The following LRRC63 variants were observed in gnomAD, a reference collection of about 807,000 sequenced individuals.
LRRC63 encodes leucine rich repeat containing 63.
LRRC63 carries 40 observed loss-of-function variants against 49.5 expected under a neutral mutation model. That is an observed-to-expected ratio of 0.81 (90% CI 0.63 to 1.05). The LOEUF (loss-of-function observed/expected upper bound fraction) is 1.05, where lower values mean the gene tolerates loss of function less well. Ranked by LOEUF, LRRC63 falls within the 50% of genes least tolerant of loss-of-function variation. LRRC63 has a pLI of 0.00. For missense variants in LRRC63, 636 were observed against 663.1 expected, an observed-to-expected ratio of 0.96 and a Z score of 0.45; for synonymous variants, 191 against 221.1, an observed-to-expected ratio of 0.86 and a Z score of 1.21.
At position 46,259,140 on chromosome 13, in the gene LRRC63, G is replaced by A. The variant is rs1349621189; in HGVS notation, c.1227-2769G>A. ...AAAGAACAGGGGCCTCCTATTAGTGGCCAGTGGATCAACACTCCCATGTTA... is the reference window on the plus strand; with the variant it reads ...AAAGAACAGGGGCCTCCTATTAGTGACCAGTGGATCAACACTCCCATGTTA... On this transcript the variant is annotated intron_variant, in intron 7 of 9. Transcript: ENST00000595396. Among the ~76,000 whole-genome samples, 5 of 152,180 alleles carry A rather than the reference G, an allele frequency of 3.3e-5. No individual in the cohort carries two copies. In the East Asian group the frequency reaches 9.7e-4, roughly 29 times the overall value.
In LRRC63 at chr13:46,261,962, CT is replaced by C; in HGVS notation, c.1284del (p.Phe428LeufsTer15). 1 of 1,175,554 alleles carries C rather than the reference CT, an allele frequency of 8.5e-7. No homozygotes were observed. The highest frequency in any genetic ancestry group is 1.1e-6 in the Non-Finnish European group (1 of 912,632). 72.8% of individuals were successfully genotyped at this position (1,175,554 alleles called of 1,614,324 possible). The stretch of plus-strand genomic sequence containing the variant: ...CTTGATGTTTCCTATAATGAACTTA[CT>C]TTTATTCCAAATGAAATTCAGAAAC... On this transcript the variant is annotated frameshift_variant, in exon 8 of 10. Transcript: ENST00000595396. LOFTEE classifies it high-confidence loss of function.
chr13:46,270,637 C>G (rs1566515252), intron 9 of LRRC63: 1 of 802,912 alleles, frequency 1.2e-6, no homozygotes, highest in Non-Finnish European at 2.2e-6. Flanking sequence ...TGACATGGAG[C>G]AAAAAGCAAA....
intron 2 of LRRC63, among the ~76,000 whole-genome samples, chr13:46,226,047 A>G (rs2046565270): frequency 6.6e-6 from 1 of 151,672 alleles, no homozygotes; most frequent in Admixed American, 6.6e-5. Flanking sequence ...GCAGTGGTAC[A>G]ATCATGGCTC....
At chr13:46,234,440 T>G in intron 5 of LRRC63, 91 bp downstream of exon 5, 1 of 1,234,604 alleles carries the variant, frequency 8.1e-7, no homozygotes, top group Non-Finnish European at 1.1e-6. Context: ...TCCATGGTAT[T>G]GAGGGGAATT....
At chr13:46,220,154 C>G (rs2046363224) in intron 2 of LRRC63, among the ~76,000 whole-genome samples, 1 of 152,216 alleles carries the variant, frequency 6.6e-6, no homozygotes, top group Non-Finnish European at 1.5e-5. Flanking sequence ...CTCCGCTGCT[C>G]TCTTCAGAGC....
chr13:46,234,463 T>A, intron 5 of LRRC63, 114 bp downstream of exon 5: 2 of 989,918 alleles, frequency 2.0e-6, no homozygotes, highest in African/African-American at 3.3e-5. Flanking sequence ...CCTATTACAA[T>A]AGAGATTTCT....
At chr13:46,238,567 A>G (rs1315984037) in intron 5 of LRRC63, among the ~76,000 whole-genome samples, 3 of 152,232 alleles carry the variant, frequency 2.0e-5, no homozygotes, top group Non-Finnish European at 2.9e-5. Flanking sequence ...CATGTCTTAC[A>G]TGACGATAAG....
intron 9 of LRRC63, among the ~76,000 whole-genome samples, chr13:46,267,995 G>A (rs1594099046): frequency 6.6e-6 from 1 of 152,092 alleles, no homozygotes; most frequent in African/African-American, 2.4e-5. Flanking sequence ...GATTTAGACT[G>A]TAAAGTTTCC....
intron 7 of LRRC63, among the ~76,000 whole-genome samples, chr13:46,251,199 TA>T (rs1318585711): frequency 7.9e-5 from 12 of 151,852 alleles, no homozygotes; most frequent in Non-Finnish European, 1.3e-4. Context: ...CTATAGTAAT[TA>T]AGGAAGTGCA....
chr13:46,257,515 A>G (rs114838618), intron 7 of LRRC63, among the ~76,000 whole-genome samples: 2,212 of 152,320 alleles, frequency 0.015, 55 homozygotes, highest in African/African-American at 0.051. Flanking sequence ...GAGACAGTCA[A>G]TATATGTAAT....
At chr13:46,242,255 G>A (rs2047083889) in intron 5 of LRRC63, among the ~76,000 whole-genome samples, 1 of 152,158 alleles carries the variant, frequency 6.6e-6, no homozygotes, top group Non-Finnish European at 1.5e-5. Flanking sequence ...ATAAGTGGGA[G>A]CTAAATGATG....
chr13:46,213,914 A>C (rs2046170336), intron 2 of LRRC63, among the ~76,000 whole-genome samples: 1 of 152,232 alleles, frequency 6.6e-6, no homozygotes. Context: ...TTTAGTGAGC[A>C]AAAACAGACC....
At chr13:46,243,728 C>T (rs751773976) in intron 5 of LRRC63, among the ~76,000 whole-genome samples, 3 of 152,284 alleles carry the variant, frequency 2.0e-5, no homozygotes, top group South Asian at 4.1e-4. Context: ...CCGCCTACCT[C>T]GGCCTCCCAA....
intron 2 of LRRC63, among the ~76,000 whole-genome samples, chr13:46,217,004 G>C (rs941205357): frequency 6.6e-6 from 1 of 152,230 alleles, no homozygotes; most frequent in African/African-American, 2.4e-5. Flanking sequence ...GCTGGATTCG[G>C]TTTGCCACTA....
At chr13:46,258,379 T>C (rs542528893) in intron 7 of LRRC63, among the ~76,000 whole-genome samples, 4 of 150,766 alleles carry the variant, frequency 2.7e-5, no homozygotes, top group South Asian at 4.2e-4. Context: ...TCTGCCCACC[T>C]CGGCCTCCCA....
chr13:46,222,661 C>T (rs1001653967), intron 2 of LRRC63, among the ~76,000 whole-genome samples: 17 of 151,868 alleles, frequency 1.1e-4, no homozygotes, highest in Non-Finnish European at 2.5e-4. Context: ...GGCGATTCCT[C>T]AGGGATCTAG....
At chr13:46,260,355 G>C (rs2047594551) in intron 7 of LRRC63, among the ~76,000 whole-genome samples, 1 of 152,188 alleles carries the variant, frequency 6.6e-6, no homozygotes, top group Admixed American at 6.5e-5. Context: ...GAATTGAATA[G>C]GCATTTCCTT....
intron 5 of LRRC63, among the ~76,000 whole-genome samples, chr13:46,237,302 A>G (rs577424059): frequency 1.3e-5 from 2 of 152,270 alleles, no homozygotes; most frequent in East Asian, 3.9e-4. Flanking sequence ...TGGTGAATCT[A>G]TTTCCTTATG....
chr13:46,265,913 T>A (rs2047678486), intron 8 of LRRC63, among the ~76,000 whole-genome samples: 1 of 152,250 alleles, frequency 6.6e-6, no homozygotes. Context: ...AATACCCTTG[T>A]TGATCACATT....
Sources: gnomAD v4.1 joint callset for allele counts (sites outside exome capture counted in the v4.1 genomes callset) on GRCh38, gnomAD v4.1.1 for gene constraint, MANE v1.5 for transcripts, NCBI Gene and HGNC (gene_info 2026-07-23, HGNC 2026-07-21) for gene names.